The following SLC2A6 variants were observed in gnomAD, a reference collection of about 807,000 sequenced individuals.
SLC2A6 encodes the protein solute carrier family 2, facilitated glucose transporter member 6.
SLC2A6 carries 39 observed loss-of-function variants against 47.8 expected under a neutral mutation model. The observed-to-expected ratio is 0.82, with a 90% confidence interval of 0.63 to 1.07. SLC2A6 has a LOEUF of 1.07. SLC2A6 is among the 50% of genes least tolerant of loss of function. The pLI, the probability that SLC2A6 is intolerant of heterozygous loss-of-function variation, is 0.00. For missense variants in SLC2A6, 650 were observed against 707.6 expected (o/e 0.92, Z 0.92); for synonymous variants, 346 against 324.1 (o/e 1.07, Z -0.73).
chr9:133,472,878 C>T (rs1403697330), intron 9 of SLC2A6, among the ~76,000 whole-genome samples: 1 of 152,154 alleles, frequency 6.6e-6, no homozygotes, highest in Non-Finnish European at 1.5e-5. Context: ...CCTGACTTCC[C>T]AGAACAGTTG....
rs782034358 is a variant in SLC2A6 at position 133,471,973 on chromosome 9, G to A, written c.*48C>T. 1.3e-5 allele frequency: 20 copies of A among 1,588,386 alleles called. No homozygotes were observed. Among genetic ancestry groups the A allele is most frequent in the Non-Finnish European group, 1.6e-5 (19 of 1,164,088 alleles). On this transcript the variant is annotated 3_prime_UTR_variant, in exon 10 of 10. Coordinates refer to ENST00000371899, the MANE Select transcript of SLC2A6 (RefSeq NM_017585.4). ...AGGGTGCAGGTTTGTAGCCAACACA[G>A]AGGCCCAGCCACTGGGGGTTTGGCC...
chr9:133,475,188 G>C lies in SLC2A6; in HGVS notation c.775-75C>G, dbSNP rs1429314131. 4 of 1,440,646 alleles carry C rather than the reference G, an allele frequency of 2.8e-6. No individual in the cohort carries two copies. The South Asian group carries it at 5.8e-5, about 21-fold the overall frequency. The allele number at this position is 1,440,646 out of a possible 1,614,324, so 89.2% of individuals were successfully genotyped here. On this transcript the variant is annotated intron_variant, in intron 5 of 9. Transcript: ENST00000371899. ...GCGCCATCCTGCCCTGGACCGCCAG[G>C]GGTTGTGTGGGAGACCTCCTTTTTC...
Position 133,476,328 on chromosome 9 carries a change from C to A in SLC2A6, c.471G>T (p.Val157=), listed in dbSNP as rs781956939. 1.9e-6 allele frequency: 3 copies of A among 1,612,898 alleles called. No homozygotes were observed. Among genetic ancestry groups the A allele is most frequent in the South Asian group, 1.1e-5 (1 of 91,084 alleles). The change falls in exon 4 of 10, where the codon GTG becomes GTT. Residue 157 remains valine, a synonymous_variant. Coordinates refer to ENST00000371899, the MANE Select transcript of SLC2A6 (RefSeq NM_017585.4). ...GAACGCCTGGGGGAGCAATCTCAGA[C>A]ACGTACACCTGCAAGACACAGCCGC... ...GLTAACIPVY[V]SEIAPPGVRG...
At chr9:133,474,137 TCCCCCTC>T in intron 6 of SLC2A6, 49 bp from the exon 7 acceptor site, 1 of 1,440,316 alleles carries the variant, frequency 6.9e-7, no homozygotes, top group South Asian at 1.3e-5. Context: ...GCTGTTCCCA[TCCCCCTC>T]CAGGACCCAG....
rs782752475 is a variant in SLC2A6 at position 133,473,584 on chromosome 9, A to G, written c.1053T>C (p.Ala351=). 8 of 1,537,028 alleles carry G rather than the reference A, an allele frequency of 5.2e-6. No homozygotes were observed. In the East Asian group the frequency reaches 9.1e-5, roughly 18 times the overall value. ...TGTACAGCCCCAGAGTCAGGTTGGC[A>G]GCAAACATGATGGCCGCTGTGGACA... ...LLFVSAAIMF[A]ANLTLGLYIH... The change falls in exon 8 of 10, where the codon GCT becomes GCC. Residue 351 remains alanine (A), a synonymous_variant. Coordinates refer to ENST00000371899, the MANE Select transcript of SLC2A6 (RefSeq NM_017585.4).
chr9:133,476,237 C>A lies in SLC2A6; in HGVS notation c.562G>T (p.Gly188Cys). The change falls in exon 4 of 10, where the codon GGC (glycine) becomes TGC (cysteine). Residue 188 changes from glycine to cysteine, a missense_variant and splice_region_variant. Gly to Cys is a radical substitution (Grantham distance 159, BLOSUM62 -3). Transcript: ENST00000371899. Reference protein sequence around the residue: ...VFGSLSLYALGLLLPWRWLAV... With the variant: ...VFGSLSLYALCLLLPWRWLAV... ...CACAGGAGTGCGGGGCCATACTTGC[C>A]AAGGGCGTAGAGGGACAGGGATCCG... 6.2e-7 allele frequency: 1 copy of A among 1,611,252 alleles called. No homozygotes were observed. The highest frequency in any genetic ancestry group is 8.5e-7 in the Non-Finnish European group (1 of 1,178,600).
chr9:133,475,081 G>A lies in SLC2A6; in HGVS notation c.807C>T (p.Ala269=). The A allele has an allele frequency of 6.3e-7, 1 of 1,590,520 alleles. No individual in the cohort carries two copies. The highest frequency in any genetic ancestry group is 1.7e-5 in the Admixed American group (1 of 57,420). The change falls in exon 6 of 10, where the codon GCC becomes GCT. Residue 269 remains alanine, a synonymous_variant. Transcript: ENST00000371899. ...CGGTGATGGGCCGGCACACGTGTGG[G>A]GCCCGTGCCTCAGCCCACGATACTC... is the stretch of plus-strand genomic sequence containing the variant. The part of the protein sequence containing the change: ...SSRVSWAEAR[A]PHVCRPITVA...
In SLC2A6 at chr9:133,474,974, G is replaced by A; in HGVS notation, c.914C>T (p.Thr305Ile). 1 of 1,573,614 alleles carries A rather than the reference G, an allele frequency of 6.4e-7. No individual in the cohort carries two copies. The highest frequency in any genetic ancestry group is 8.6e-7 in the Non-Finnish European group (1 of 1,160,316). ...CTGGGCTCTCACCAGCAGGACAGCGGTGCTGTCGAAGATGGACTGCAGGTA... is the reference window on the plus strand; with the variant it reads ...CTGGGCTCTCACCAGCAGGACAGCGATGCTGTCGAAGATGGACTGCAGGTA... Reference protein sequence around the residue: ...LVYLQSIFDSTAVLLPPKDDA... With the variant: ...LVYLQSIFDSIAVLLPPKDDA... Residue 305 changes from threonine (T) to isoleucine (I), a missense_variant, in exon 6 of 10, where the codon ACC (threonine) becomes ATC (isoleucine). By Grantham distance (89) the Thr-to-Ile change is moderately conservative. Coordinates refer to ENST00000371899, the MANE Select transcript of SLC2A6 (RefSeq NM_017585.4).
intron 7 of SLC2A6, 141 bp downstream of exon 7, chr9:133,473,839 C>T: frequency 1.2e-6 from 1 of 804,898 alleles, no homozygotes. Flanking sequence ...TGGCCTGGGC[C>T]AGGGCCCTGC....
intron 3 of SLC2A6, 97 bp downstream of exon 3, chr9:133,476,938 G>C: frequency 1.5e-6 from 2 of 1,331,874 alleles, no homozygotes; most frequent in Non-Finnish European, 2.1e-6. Context: ...AATTCTCATT[G>C]CCCAGAAGGC....
rs971796624 is a variant in SLC2A6, at chr9:133,476,316, A to G, written c.483T>C (p.Ala161=). The part of the protein sequence containing the change: ...ACIPVYVSEI[A]PPGVRGALGA... ...CCAGAGCCCCACGAACGCCTGGGGGAGCAATCTCAGACACGTACACCTGCA... is the reference window on the plus strand; with the variant it reads ...CCAGAGCCCCACGAACGCCTGGGGGGGCAATCTCAGACACGTACACCTGCA... Residue 161 remains alanine, a synonymous_variant, in exon 4 of 10, where the codon GCT becomes GCC. Transcript: ENST00000371899. The G allele has an allele frequency of 6.2e-7, 1 of 1,612,878 alleles. No homozygotes were observed.
In SLC2A6 at chr9:133,473,494, C is replaced by T; in HGVS notation, c.1143G>A (p.Gly381=). 1 of 1,602,782 alleles carries T rather than the reference C, an allele frequency of 6.2e-7. No individual in the cohort carries two copies. The highest frequency in any genetic ancestry group is 8.5e-7 in the Non-Finnish European group (1 of 1,176,422). The change falls in exon 8 of 10, where the codon GGG becomes GGA. Residue 381 remains glycine, a synonymous_variant. Transcript: ENST00000371899. ...GTGCTGCCAGGGGCTGCGCCAAGTC[C>T]CCCCAGGACTCGCTTTCCAGGCCCG... ...STAGLESESW[G]DLAQPLAAPA... is the part of the protein sequence containing the mutation.
In SLC2A6 at chr9:133,471,873, C is replaced by T. The variant is rs781940126; in HGVS notation, c.*148G>A. The T allele has an allele frequency of 5.4e-5, 50 of 931,288 alleles. No individual in the cohort carries two copies. The highest frequency in any genetic ancestry group is 6.3e-5 in the Non-Finnish European group (40 of 634,708). 57.7% of individuals were successfully genotyped at this position (931,288 alleles called of 1,614,324 possible). ...CTACCTGTCCCGAGCCAGGGGCACCCGCTGCTGAGGCCCCATCACACTGCT... is the reference window on the plus strand; with the variant it reads ...CTACCTGTCCCGAGCCAGGGGCACCTGCTGCTGAGGCCCCATCACACTGCT... On this transcript the variant is annotated 3_prime_UTR_variant, in exon 10 of 10. Transcript: ENST00000371899.
chr9:133,475,498 T>C lies in SLC2A6; in HGVS notation c.676A>G (p.Arg226Gly). ...NSPRFLLSRGRDEEALRALAW... is the reference protein window; with the variant it reads ...NSPRFLLSRGGDEEALRALAW... The stretch of plus-strand genomic sequence containing the variant: ...AGCGCCCGCAGGGCCTCTTCGTCCC[T>C]GCCCCGAGAGAGCAGGAAGCGCGGC... The change falls in exon 5 of 10, where the codon AGG (arginine) becomes GGG (glycine). Residue 226 changes from arginine to glycine, a missense_variant. Arg to Gly is a moderately radical substitution (Grantham distance 125). Transcript: ENST00000371899. The C allele has an allele frequency of 6.2e-7, 1 of 1,611,672 alleles. No individual in the cohort carries two copies. Among genetic ancestry groups the C allele is most frequent in the South Asian group, 1.1e-5 (1 of 91,016 alleles).
In SLC2A6 at chr9:133,472,050, G is replaced by A. The variant is rs782263707; in HGVS notation, c.1495C>T (p.Arg499Cys). 19 of 1,613,004 alleles carry A rather than the reference G, an allele frequency of 1.2e-5. No individual in the cohort carries two copies. Among genetic ancestry groups the A allele is most frequent in the Middle Eastern group, 1.6e-4 (1 of 6,076 alleles). Residue 499 changes from arginine (R) to cysteine (C), a missense_variant, in exon 10 of 10, where the codon CGC becomes TGC. Arg to Cys is a radical substitution (Grantham distance 180, BLOSUM62 -3). Transcript: ENST00000371899. ...RSLEQIESFFRTGRRSFLR is the reference protein window; with the variant it reads ...RSLEQIESFFCTGRRSFLR ...CGCAAGAAGGACCTTCTCCCCGTGCGGAAGAAGGACTCGATCTGCTCCAGG... is the reference window on the plus strand; with the variant it reads ...CGCAAGAAGGACCTTCTCCCCGTGCAGAAGAAGGACTCGATCTGCTCCAGG...
chr9:133,476,494 C>T (rs892153139), intron 3 of SLC2A6, 158 bp from the exon 4 acceptor site: 29 of 644,268 alleles, frequency 4.5e-5, no homozygotes, highest in African/African-American at 3.1e-4. Flanking sequence ...AGACCTTGGG[C>T]GGCCTGCCTG....
intron 1 of SLC2A6, 192 bp from the exon 2 acceptor site, chr9:133,478,608 G>T (rs934040831): frequency 5.3e-5 from 34 of 637,514 alleles, no homozygotes; most frequent in Non-Finnish European, 7.8e-5. Context: ...TAGCTCATCC[G>T]CAGTGGCTGA....
chr9:133,471,951 G>T lies in SLC2A6; in HGVS notation c.*70C>A. ...ATGACTGCTGCCTCTTGGTCCCAGGGTGCAGGTTTGTAGCCAACACAGAGG... is the reference window on the plus strand; with the variant it reads ...ATGACTGCTGCCTCTTGGTCCCAGGTTGCAGGTTTGTAGCCAACACAGAGG... On this transcript the variant is annotated 3_prime_UTR_variant, in exon 10 of 10. Coordinates refer to ENST00000371899, the MANE Select transcript of SLC2A6 (RefSeq NM_017585.4). 6.5e-7 allele frequency: 1 copy of T among 1,537,830 alleles called. No homozygotes were observed. The highest frequency in any genetic ancestry group is 8.8e-7 in the Non-Finnish European group (1 of 1,130,978).
At position 133,473,448 on chromosome 9, in the gene SLC2A6, C is replaced by G; in HGVS notation, c.1189G>C (p.Val397Leu). Residue 397 changes from valine to leucine, a missense_variant, in exon 8 of 10, where the codon GTG (valine) becomes CTG (leucine). By Grantham distance (32) the Val-to-Leu change is conservative (BLOSUM62 1). Transcript: ENST00000371899. ...AAGAGCATGGTGGCCAGCAGGGGCACCAGGGTGAGGTAGCCAGCGGGTGCT... is the reference window on the plus strand; with the variant it reads ...AAGAGCATGGTGGCCAGCAGGGGCAGCAGGGTGAGGTAGCCAGCGGGTGCT... ...LAAPAGYLTL[V>L]PLLATMLFIM... 1.2e-6 allele frequency: 2 copies of G among 1,605,846 alleles called. No homozygotes were observed. Among genetic ancestry groups the G allele is most frequent in the Non-Finnish European group, 1.7e-6 (2 of 1,177,470 alleles).
Sources: allele counts gnomAD v4.1 joint callset (sites outside exome capture counted in the v4.1 genomes callset), GRCh38; gene constraint gnomAD v4.1.1; transcripts MANE v1.5; gene names NCBI Gene and HGNC (gene_info 2026-07-23, HGNC 2026-07-21).